ME2: variants seen among roughly 807,000 people sequenced by gnomAD.
The protein encoded by ME2 is NAD-dependent malic enzyme, mitochondrial.
ME2 carries 60 observed loss-of-function variants against 73.7 expected under a neutral mutation model. That is an observed-to-expected ratio of 0.81 (90% CI 0.66 to 1.01). The LOEUF (loss-of-function observed/expected upper bound fraction) is 1.01. Among genes scored for constraint, ME2 ranks in the 50% least tolerant of loss-of-function variants. The pLI is 0.00. For missense variants in ME2, 594 were observed against 705.5 expected (o/e 0.84, Z 1.79); for synonymous variants, 199 against 236.9 (o/e 0.84, Z 1.47).
At chr18:50,928,712 T>A (rs1280956024) in intron 12 of ME2, among the ~76,000 whole-genome samples, 1 of 152,210 alleles carries the variant, frequency 6.6e-6, no homozygotes, top group African/African-American at 2.4e-5. Flanking sequence ...CAGTTTGCCC[T>A]TTCTCCTGAT....
intron 10 of ME2, 52 bp downstream of exon 10, chr18:50,921,239 G>T: frequency 1.1e-6 from 1 of 928,280 alleles, no homozygotes; most frequent in Non-Finnish European, 1.6e-6. Flanking sequence ...ATTTTTAGTT[G>T]GATTTTTAAA....
chr18:50,882,493 C>T (rs1381821149), intron 1 of ME2, among the ~76,000 whole-genome samples: 1 of 152,162 alleles, frequency 6.6e-6, no homozygotes, highest in African/African-American at 2.4e-5. Flanking sequence ...AGTTTCCCCT[C>T]CCCCACTTTA....
chr18:50,906,964 A>G (rs993319713), intron 2 of ME2, among the ~76,000 whole-genome samples: 1 of 152,068 alleles, frequency 6.6e-6, no homozygotes, highest in African/African-American at 2.4e-5. Context: ...CTCCAACCCC[A>G]TGGTCATCTC....
intron 1 of ME2, among the ~76,000 whole-genome samples, chr18:50,891,910 T>G (rs1437451486): frequency 6.6e-6 from 1 of 151,254 alleles, no homozygotes; most frequent in African/African-American, 2.4e-5. Flanking sequence ...CCTCGCAGAC[T>G]CATCCAGTCT....
At chr18:50,932,213 T>C (rs1917708872) in intron 12 of ME2, 45 bp from the exon 13 acceptor site, 1 of 1,533,544 alleles carries the variant, frequency 6.5e-7, no homozygotes, top group African/African-American at 1.4e-5. Flanking sequence ...AATTTTCTCA[T>C]CCACAGAAAA....
intron 1 of ME2, among the ~76,000 whole-genome samples, chr18:50,880,551 G>A (rs1916293512): frequency 6.6e-6 from 1 of 152,200 alleles, no homozygotes; most frequent in African/African-American, 2.4e-5. Flanking sequence ...CTTCTGGGAG[G>A]CCGACGTGGG....
intron 7 of ME2, 145 bp downstream of exon 7, chr18:50,918,358 G>A (rs1161984514): frequency 1.9e-6 from 1 of 529,544 alleles, no homozygotes; most frequent in East Asian, 3.0e-5. Flanking sequence ...TGTTCTGCCT[G>A]GCTGTTTCTG....
Position 50,921,144 on chromosome 18 carries a change from A to G in ME2, c.1013A>G (p.Gln338Arg), listed in dbSNP as rs143926963. ...AATGGCCTGTCAGAACAAGAGGCAC[A>G]AAAGAAAATCTGGATGTTTGACAAG... ...VENGLSEQEA[Q>R]KKIWMFDKYG... is the part of the protein sequence containing the mutation. Residue 338 changes from glutamine to arginine, a missense_variant, in exon 10 of 16, where the codon CAA becomes CGA. Coordinates refer to ENST00000321341, the MANE Select transcript of ME2 (RefSeq NM_002396.5). 4 of 1,603,030 alleles carry G rather than the reference A, an allele frequency of 2.5e-6. No individual in the cohort carries two copies. Among genetic ancestry groups the G allele is most frequent in the Non-Finnish European group, 2.6e-6 (3 of 1,174,630 alleles).
At chr18:50,924,719 CAG>C (rs1176872033) in intron 11 of ME2, among the ~76,000 whole-genome samples, 1 of 149,954 alleles carries the variant, frequency 6.7e-6, no homozygotes, top group African/African-American at 2.5e-5. Context: ...TTTTTTGAGA[CAG>C]AGTCTCACTC....
At chr18:50,908,350 C>T (rs564847518) in intron 3 of ME2, among the ~76,000 whole-genome samples, 154 bp downstream of exon 3, 60 of 152,214 alleles carry the variant, frequency 3.9e-4, no homozygotes, top group Middle Eastern at 3.4e-3. Flanking sequence ...TCTTTCACTT[C>T]GGTGAATACT....
rs891822941 is a variant in ME2 at position 50,952,873 on chromosome 18, C to T, written c.*5689C>T. On this transcript the variant is annotated 3_prime_UTR_variant, in exon 16 of 16. Transcript: ENST00000321341. Reference sequence around the variant, plus strand: ...TATACCAGACACTGTTCTAAGGATCCGACATATTTAATCCTCTGTTTACCC... The same window carrying T: ...TATACCAGACACTGTTCTAAGGATCTGACATATTTAATCCTCTGTTTACCC... 3 of 152,030 alleles carry T rather than the reference C, an allele frequency of 2.0e-5. No individual in the cohort carries two copies. The highest frequency in any genetic ancestry group is 2.1e-4 in the South Asian group (1 of 4,820). 9.4% of individuals were successfully genotyped at this position (152,030 alleles called of 1,614,324 possible).
Position 50,924,124 on chromosome 18 carries a change from T to C in ME2, c.1083T>C (p.Tyr361=), listed in dbSNP as rs1381184242. 4 of 1,613,006 alleles carry C rather than the reference T, an allele frequency of 2.5e-6. No individual in the cohort carries two copies. In the Admixed American group the frequency reaches 5.0e-5, roughly 20 times the overall value. ...GACGGAAAGCAAAAATAGATAGTTATCAGGAACCATTTACTCACTCAGCCC... is the reference window on the plus strand; with the variant it reads ...GACGGAAAGCAAAAATAGATAGTTACCAGGAACCATTTACTCACTCAGCCC... ...VKGRKAKIDS[Y]QEPFTHSAPE... The change falls in exon 11 of 16, where the codon TAT becomes TAC. Residue 361 remains tyrosine, a synonymous_variant. Coordinates refer to ENST00000321341, the MANE Select transcript of ME2 (RefSeq NM_002396.5).
intron 13 of ME2, chr18:50,933,041 G>C (rs1308465273): frequency 1.3e-5 from 2 of 152,178 alleles, no homozygotes; most frequent in African/African-American, 4.8e-5. Context: ...CATTACCTCA[G>C]TTCAACAACT....
At chr18:50,909,505 G>A (rs1311956416) in intron 3 of ME2, among the ~76,000 whole-genome samples, 1 of 152,192 alleles carries the variant, frequency 6.6e-6, no homozygotes, top group Non-Finnish European at 1.5e-5. Flanking sequence ...GGATGTTACA[G>A]GTAGCAGGCA....
intron 4 of ME2, 38 bp from the exon 5 acceptor site, chr18:50,916,130 C>T (rs373571960): frequency 3.0e-6 from 4 of 1,339,062 alleles, no homozygotes; most frequent in Non-Finnish European, 4.2e-6. Flanking sequence ...AGAAACAAAG[C>T]TGTTGTGAAA....
chr18:50,926,271 C>T (rs1253361842), intron 12 of ME2, among the ~76,000 whole-genome samples: 1 of 152,098 alleles, frequency 6.6e-6, no homozygotes, highest in South Asian at 2.1e-4. Flanking sequence ...AGAAGAATTC[C>T]TTTATTTAAG....
At chr18:50,942,078 C>G (rs1917978184) in intron 15 of ME2, among the ~76,000 whole-genome samples, 1 of 151,852 alleles carries the variant, frequency 6.6e-6, no homozygotes, top group African/African-American at 2.4e-5. Flanking sequence ...TCTCTCCTCA[C>G]CTTTTATGAA....
At chr18:50,929,891 G>C (rs949638721) in intron 12 of ME2, among the ~76,000 whole-genome samples, 2 of 152,168 alleles carry the variant, frequency 1.3e-5, no homozygotes, top group African/African-American at 4.8e-5. Context: ...TCGAGTAGTA[G>C]TGGTATATCA....
chr18:50,889,821 A>T (rs186814966), intron 1 of ME2, among the ~76,000 whole-genome samples: 1 of 152,326 alleles, frequency 6.6e-6, no homozygotes, highest in African/African-American at 2.4e-5. Flanking sequence ...TGCTTCCCAT[A>T]TAATTTAACA....
Sources: gnomAD v4.1 joint callset for allele counts (sites outside exome capture counted in the v4.1 genomes callset) on GRCh38, gnomAD v4.1.1 for gene constraint, MANE v1.5 for transcripts, NCBI Gene and HGNC (gene_info 2026-07-23, HGNC 2026-07-21) for gene names.